Variants in NIBAN1 observed in about 807,000 individuals in gnomAD.
The protein encoded by NIBAN1 is protein Niban 1.
In NIBAN1, 81 loss-of-function variants were observed where a neutral mutation model predicts 75.1. That is an observed-to-expected ratio of 1.08 (90% confidence interval 0.90 to 1.30). The LOEUF (loss-of-function observed/expected upper bound fraction) is 1.30. NIBAN1 is among the 50% of genes most tolerant of loss of function. The probability of loss-of-function intolerance (pLI) is 0.00; values close to 1 mark genes in which losing one functional copy is unlikely to be tolerated. For synonymous variants in NIBAN1, 436 were observed against 424.8 expected, an observed-to-expected ratio of 1.03 and a Z score of -0.32; for missense variants, 1,133 against 1,128.1, an observed-to-expected ratio of 1.00 and a Z score of -0.06.
At chr1:184,892,828 T>C (rs201761578) in intron 3 of NIBAN1, among the ~76,000 whole-genome samples, 32 of 151,936 alleles carry the variant, frequency 2.1e-4, no homozygotes, top group African/African-American at 6.3e-4. Flanking sequence ...CTGGAGTGCA[T>C]TGGGGTGATC....
At position 184,918,859 on chromosome 1, in the gene NIBAN1, C is replaced by T. The variant is rs138074115; in HGVS notation, c.56-19550G>A. On this transcript the variant is annotated intron_variant, in intron 1 of 13. Transcript: ENST00000367511. The stretch of plus-strand genomic sequence containing the variant: ...AGCCTAGAGTGGTCAGTAGCAGGCA[C>T]AGAATTGATATTAGCTGTATAGTGA... Among the ~76,000 whole-genome samples the T allele has an allele frequency of 1.5e-3, 231 of 152,296 alleles. 1 individual carries two copies. The highest frequency in any genetic ancestry group is 5.5e-3 in the African/African-American group (229 of 41,568).
At chr1:184,897,788 T>G (rs1656839308) in intron 2 of NIBAN1, among the ~76,000 whole-genome samples, 1 of 152,114 alleles carries the variant, frequency 6.6e-6, no homozygotes, top group South Asian at 2.1e-4. Context: ...CATCACTGAT[T>G]TCTCTCTTCT....
At chr1:184,890,729 C>T (rs1557902317) in intron 3 of NIBAN1, among the ~76,000 whole-genome samples, 1 of 152,152 alleles carries the variant, frequency 6.6e-6, no homozygotes, top group African/African-American at 2.4e-5. Context: ...TAAAATATGC[C>T]ACTATTTTGC....
chr1:184,951,034 T>C (rs1658345203), intron 1 of NIBAN1, among the ~76,000 whole-genome samples: 1 of 152,182 alleles, frequency 6.6e-6, no homozygotes, highest in Non-Finnish European at 1.5e-5. Flanking sequence ...AAACTCCTCA[T>C]GGGAGCATGA....
At chr1:184,955,336 C>CCTTTCCTTTCCTTTT (rs1658459011) in intron 1 of NIBAN1, among the ~76,000 whole-genome samples, 1 of 146,456 alleles carries the variant, frequency 6.8e-6, no homozygotes, top group Non-Finnish European at 1.5e-5. Context: ...CCTTTCCTTT[C>CCTTTCCTTTCCTTTT]CTTTCCTTTC....
intron 1 of NIBAN1, among the ~76,000 whole-genome samples, chr1:184,940,114 G>A (rs1428406586): frequency 6.6e-6 from 1 of 152,152 alleles, no homozygotes; most frequent in African/African-American, 2.4e-5. Flanking sequence ...GAGGGAATAG[G>A]TGAAGGGGCC....
In NIBAN1 at chr1:184,894,144, T is replaced by A. The variant is rs1656740109; in HGVS notation, c.249A>T (p.Ile83=). The A allele has an allele frequency of 6.2e-7, 1 of 1,612,988 alleles. No individual in the cohort carries two copies. The highest frequency in any genetic ancestry group is 2.2e-5 in the East Asian group (1 of 44,832). ...EAELSQFSED[I]KKWKERYVVV... The stretch of plus-strand genomic sequence containing the variant: ...CAACGTATCTCTCCTTCCACTTCTT[T>A]ATGTCTTCAGAAAATTGTGATAGCT... Residue 83 remains isoleucine (I), a synonymous_variant, in exon 3 of 14, where the codon ATA becomes ATT. Transcript: ENST00000367511.
At chr1:184,900,771 G>A (rs1656933254) in intron 1 of NIBAN1, among the ~76,000 whole-genome samples, 1 of 152,202 alleles carries the variant, frequency 6.6e-6, no homozygotes, top group Admixed American at 6.5e-5. Context: ...GCAGGGTACA[G>A]AAAGAAACAC....
At chr1:184,892,905 G>A (rs2101980314) in intron 3 of NIBAN1, among the ~76,000 whole-genome samples, 1 of 152,208 alleles carries the variant, frequency 6.6e-6, no homozygotes, top group African/African-American at 2.4e-5. Context: ...TTGAGTATCT[G>A]AGACTACAGG....
At chr1:184,864,645 A>G (rs1655901461) in intron 5 of NIBAN1, among the ~76,000 whole-genome samples, 3 of 152,282 alleles carry the variant, frequency 2.0e-5, no homozygotes, top group Admixed American at 2.0e-4. Flanking sequence ...AATACGTAAA[A>G]TGAAAATAGA....
At chr1:184,921,658 A>G (rs1034051912) in intron 1 of NIBAN1, among the ~76,000 whole-genome samples, 10 of 152,236 alleles carry the variant, frequency 6.6e-5, no homozygotes, top group African/African-American at 9.6e-5. Context: ...AGTACATATC[A>G]TTAAGTTAGT....
chr1:184,840,957 G>GTA (rs1553219533), intron 5 of NIBAN1, among the ~76,000 whole-genome samples: 1 of 37,442 alleles, frequency 2.7e-5, no homozygotes, highest in Non-Finnish European at 5.7e-5. Flanking sequence ...AAGAGTGTGA[G>GTA]TGTGTGTGTG....
intron 1 of NIBAN1, among the ~76,000 whole-genome samples, chr1:184,910,347 A>G (rs1039136513): frequency 6.6e-6 from 1 of 152,174 alleles, no homozygotes; most frequent in Non-Finnish European, 1.5e-5. Flanking sequence ...TGAAAACATC[A>G]AAGATTACAG....
At chr1:184,892,962 A>T (rs1656709510) in intron 3 of NIBAN1, among the ~76,000 whole-genome samples, 1 of 151,874 alleles carries the variant, frequency 6.6e-6, no homozygotes, top group Non-Finnish European at 1.5e-5. Context: ...AGTAGAGATG[A>T]GGTTTCATCA....
At chr1:184,799,090 G>C (rs1291537408) in intron 12 of NIBAN1, among the ~76,000 whole-genome samples, 1 of 151,856 alleles carries the variant, frequency 6.6e-6, no homozygotes, top group Non-Finnish European at 1.5e-5. Context: ...TGTGCACAAT[G>C]TGCAGGTTAG....
At chr1:184,805,898 G>A (rs1371287581) in intron 11 of NIBAN1, 48 bp downstream of exon 11, 4 of 1,431,884 alleles carry the variant, frequency 2.8e-6, no homozygotes, top group Non-Finnish European at 3.9e-6. Flanking sequence ...AAGAAACAGG[G>A]GTCACGTTCT....
In NIBAN1 at chr1:184,853,723, G is replaced by A. The variant is rs144027720; in HGVS notation, c.602-21761C>T. Among the ~76,000 whole-genome samples, 294 of 151,848 alleles carry A rather than the reference G, an allele frequency of 1.9e-3. 1 individual carries two copies. Among genetic ancestry groups the A allele is most frequent in the African/African-American group, 6.7e-3 (277 of 41,404 alleles). On this transcript the variant is annotated intron_variant, in intron 5 of 13. Transcript: ENST00000367511. ...CACACATACATACACACACCTGTGC[G>A]CACACACAAAAATACACATATACAC...
chr1:184,800,966 C>T (rs1181446576), intron 12 of NIBAN1, among the ~76,000 whole-genome samples: 1 of 152,124 alleles, frequency 6.6e-6, no homozygotes, highest in East Asian at 1.9e-4. Context: ...ATGGTGCATC[C>T]CTTAACTCTC....
chr1:184,860,781 T>C (rs562460153), intron 5 of NIBAN1, among the ~76,000 whole-genome samples: 46 of 152,318 alleles, frequency 3.0e-4, no homozygotes, highest in African/African-American at 1.1e-3. Flanking sequence ...TTCCAAATAC[T>C]AAGCTTACAA....
Sources: gnomAD v4.1 joint callset for allele counts (sites outside exome capture counted in the v4.1 genomes callset) on GRCh38, gnomAD v4.1.1 for gene constraint, MANE v1.5 for transcripts, NCBI Gene and HGNC (gene_info 2026-07-23, HGNC 2026-07-21) for gene names.